TRAPPC9: variants seen among roughly 807,000 people sequenced by gnomAD.
The protein encoded by TRAPPC9 is trafficking protein particle complex subunit 9, also known as IKK2 binding protein.
A neutral mutation model predicts 124.0 loss-of-function variants in TRAPPC9; 83 were observed. The ratio of observed to expected loss-of-function variants is 0.67; its 90% CI spans 0.56 to 0.80. TRAPPC9 has a LOEUF of 0.80. TRAPPC9 is among the 30% of genes least tolerant of loss of function. TRAPPC9 has a pLI of 0.00. For synonymous variants in TRAPPC9, 638 were observed against 617.5 expected (o/e 1.03, Z -0.49); for missense variants, 1,302 against 1,508.3 (o/e 0.86, Z 2.27).
chr8:140,000,583 G>A lies in TRAPPC9; in HGVS notation c.2700-11747C>T, dbSNP rs572384462. On this transcript the variant is annotated intron_variant, in intron 18 of 22. Coordinates refer to ENST00000438773, the MANE Select transcript of TRAPPC9 (RefSeq NM_001160372.4). Reference sequence around the variant, plus strand: ...AAAAAGTGGGTGAAGGATATGAACAGACACTTCTCAAAAGAAGACATTTAT... The same window carrying A: ...AAAAAGTGGGTGAAGGATATGAACAAACACTTCTCAAAAGAAGACATTTAT... 1.8e-3 allele frequency among the ~76,000 whole-genome samples: 274 copies of A among 152,334 alleles called. 2 individuals carry two copies. The highest frequency in any genetic ancestry group is 6.2e-3 in the African/African-American group (258 of 41,560).
At position 139,910,296 on chromosome 8, in the gene TRAPPC9, C is replaced by T. The variant is rs1444827656; in HGVS notation, c.2815G>A (p.Ala939Thr). The T allele has an allele frequency of 6.2e-7, 1 of 1,614,136 alleles. No homozygotes were observed. Among genetic ancestry groups the T allele is most frequent in the South Asian group, 1.1e-5 (1 of 91,082 alleles). The stretch of plus-strand genomic sequence containing the variant: ...AAGTTGAACTTGTCCACTTGAATAG[C>T]CATTCTACGAGAAAGGGGAAAACAC... ...ILHAGECQRMAIQVDKFNFES... is the reference protein window; with the variant it reads ...ILHAGECQRMTIQVDKFNFES... The change falls in exon 20 of 23, where the codon GCT becomes ACT. Residue 939 changes from alanine (A) to threonine (T), a missense_variant. By Grantham distance (58) the Ala-to-Thr change is moderately conservative. Around this residue, in one of 3 missense-constraint regions of TRAPPC9, gnomAD observed 640 missense variants for 679.3 expected, o/e 0.94. Coordinates refer to ENST00000438773, the MANE Select transcript of TRAPPC9 (RefSeq NM_001160372.4).
intron 21 of TRAPPC9, among the ~76,000 whole-genome samples, chr8:139,808,094 C>A (rs1002736161): frequency 6.6e-6 from 1 of 152,180 alleles, no homozygotes; most frequent in Non-Finnish European, 1.5e-5. Context: ...CAAGTGGGTG[C>A]GGCCTGACCC....
chr8:139,744,013 G>T (rs1414653888), intron 21 of TRAPPC9, among the ~76,000 whole-genome samples: 1 of 152,150 alleles, frequency 6.6e-6, no homozygotes. Flanking sequence ...CCACACAAGT[G>T]CACTCACAGG....
At chr8:140,026,605 T>C (rs775755329) in intron 17 of TRAPPC9, among the ~76,000 whole-genome samples, 2 of 152,216 alleles carry the variant, frequency 1.3e-5, no homozygotes, top group African/African-American at 2.4e-5. Flanking sequence ...AGCATCTTTT[T>C]ATGTGCTTAT....
intron 2 of TRAPPC9, among the ~76,000 whole-genome samples, chr8:140,442,246 A>G (rs909445469): frequency 1.3e-5 from 2 of 152,228 alleles, no homozygotes; most frequent in Non-Finnish European, 2.9e-5. Context: ...AAATACTCTT[A>G]TAGTTTTTCA....
intron 21 of TRAPPC9, among the ~76,000 whole-genome samples, chr8:139,755,943 G>T (rs1442296820): frequency 5.7e-5 from 6 of 105,398 alleles, no homozygotes; most frequent in East Asian, 5.2e-4. Context: ...GAGGACCGCA[G>T]GTCGCAGGAG....
chr8:139,884,034 C>T (rs1297503517), intron 21 of TRAPPC9, among the ~76,000 whole-genome samples: 7 of 152,178 alleles, frequency 4.6e-5, no homozygotes, highest in South Asian at 4.1e-4. Context: ...CATCTTAGGG[C>T]GGCATGGACC....
chr8:140,453,024 T>C (rs547345416), intron 1 of TRAPPC9, among the ~76,000 whole-genome samples: 58 of 152,340 alleles, frequency 3.8e-4, no homozygotes, highest in Non-Finnish European at 7.2e-4. Flanking sequence ...GCAAAAGGTA[T>C]ATAGGATCCC....
chr8:139,757,019 G>A (rs1212763270), intron 21 of TRAPPC9, among the ~76,000 whole-genome samples: 4 of 137,568 alleles, frequency 2.9e-5, no homozygotes, highest in Admixed American at 7.1e-5. Flanking sequence ...GCCAGGGTTT[G>A]GGGATGAGGA....
intron 17 of TRAPPC9, among the ~76,000 whole-genome samples, chr8:140,210,060 C>G (rs1040758205): frequency 6.6e-6 from 1 of 152,190 alleles, no homozygotes; most frequent in African/African-American, 2.4e-5. Flanking sequence ...ACACTGTCAC[C>G]GCGCTAAATC....
intron 3 of TRAPPC9, among the ~76,000 whole-genome samples, chr8:140,437,920 C>T (rs903597689): frequency 1.3e-5 from 2 of 152,200 alleles, no homozygotes; most frequent in South Asian, 2.1e-4. Flanking sequence ...GCAGGGCACC[C>T]GCTCTGCCGA....
chr8:139,973,353 C>T (rs1836225892), intron 19 of TRAPPC9, among the ~76,000 whole-genome samples: 1 of 152,210 alleles, frequency 6.6e-6, no homozygotes. Flanking sequence ...CCTGCAAGAT[C>T]TGTGATCACT....
intron 17 of TRAPPC9, among the ~76,000 whole-genome samples, chr8:140,044,282 A>G (rs529438943): frequency 1.3e-4 from 19 of 151,196 alleles, no homozygotes; most frequent in Non-Finnish European, 1.8e-4. Flanking sequence ...CCAAAAAAAA[A>G]AAAAAAGAAA....
chr8:140,060,063 G>A (rs895179940), intron 17 of TRAPPC9, among the ~76,000 whole-genome samples: 12 of 152,198 alleles, frequency 7.9e-5, no homozygotes, highest in Admixed American at 7.9e-4. Flanking sequence ...ACAAATGTCT[G>A]AATGTCGCTG....
At position 140,170,995 on chromosome 8, in the gene TRAPPC9, G is replaced by A. The variant is rs527530543; in HGVS notation, c.2556+50464C>T. On this transcript the variant is annotated intron_variant, in intron 17 of 22. Coordinates refer to ENST00000438773, the MANE Select transcript of TRAPPC9 (RefSeq NM_001160372.4). Reference sequence around the variant, plus strand: ...CATCCCACCTGGAAAACACCAGCCTGACACCTGGCCAGCCACATTCCTGCC... The same window carrying A: ...CATCCCACCTGGAAAACACCAGCCTAACACCTGGCCAGCCACATTCCTGCC... Among the ~76,000 whole-genome samples, 4 of 152,318 alleles carry A rather than the reference G, an allele frequency of 2.6e-5. No individual in the cohort carries two copies. The East Asian group carries it at 5.8e-4, about 22-fold the overall frequency.
intron 19 of TRAPPC9, among the ~76,000 whole-genome samples, chr8:139,946,822 T>TC (rs1834255387): frequency 4.3e-5 from 1 of 23,510 alleles, no homozygotes; most frequent in Non-Finnish European, 1.2e-4. Context: ...CTGCTAAAAA[T>TC]TTAAAAAAAA....
chr8:140,285,228 A>T (rs2131723862), intron 13 of TRAPPC9, among the ~76,000 whole-genome samples: 1 of 152,310 alleles, frequency 6.6e-6, no homozygotes, highest in East Asian at 1.9e-4. Flanking sequence ...CTGACTCCTC[A>T]ACTGTGAACA....
In TRAPPC9 at chr8:140,103,075, C is replaced by T. The variant is rs544617298; in HGVS notation, c.2557-78996G>A. ...AGCAGAAGGAGCATGAAAGACCTGC[C>T]GCTCCCCACTCCCACAGCACAGACG... On this transcript the variant is annotated intron_variant, in intron 17 of 22. Coordinates refer to ENST00000438773, the MANE Select transcript of TRAPPC9 (RefSeq NM_001160372.4). 7.2e-5 allele frequency among the ~76,000 whole-genome samples: 11 copies of T among 152,186 alleles called. No individual in the cohort carries two copies. In the South Asian group the frequency reaches 1.7e-3, roughly 23 times the overall value.
chr8:140,448,705 C>G (rs562938491), intron 2 of TRAPPC9, among the ~76,000 whole-genome samples: 48 of 152,262 alleles, frequency 3.2e-4, no homozygotes, highest in Admixed American at 6.5e-4. Flanking sequence ...GCTGTGCACA[C>G]CATACAGCAA....
Sources: allele counts gnomAD v4.1 joint callset (sites outside exome capture counted in the v4.1 genomes callset), GRCh38; gene constraint gnomAD v4.1.1; regional missense constraint gnomAD v4.1.1; transcripts MANE v1.5; gene names NCBI Gene and HGNC (gene_info 2026-07-23, HGNC 2026-07-21).